PDE10A: variants seen among roughly 807,000 people sequenced by gnomAD.
PDE10A encodes phosphodiesterase 10A.
In PDE10A, 39 loss-of-function variants were observed where a neutral mutation model predicts 97.7. That is an observed-to-expected ratio of 0.40 (90% CI 0.31 to 0.52). The LOEUF is 0.52. Among genes scored for constraint, PDE10A ranks in the 20% least tolerant of loss-of-function variants. The probability of loss-of-function intolerance (pLI) is 0.56; values close to 1 mark genes in which losing one functional copy is unlikely to be tolerated. For synonymous variants in PDE10A, 371 were observed against 376.8 expected, an observed-to-expected ratio of 0.98 and a Z score of 0.18; for missense variants, 731 against 1,047.8, an observed-to-expected ratio of 0.70 and a Z score of 4.17.
chr6:165,464,579 T>A (rs1484115532), intron 3 of PDE10A, among the ~76,000 whole-genome samples: 1 of 152,196 alleles, frequency 6.6e-6, no homozygotes, highest in Non-Finnish European at 1.5e-5. Context: ...ATGGTACTAG[T>A]GCATAAATCC....
intron 13 of PDE10A, among the ~76,000 whole-genome samples, chr6:165,398,029 A>C (rs1320062589): frequency 6.6e-6 from 1 of 152,198 alleles, no homozygotes; most frequent in Non-Finnish European, 1.5e-5. Context: ...CTTACTAAAA[A>C]ATTACATATT....
chr6:165,879,099 T>C (rs1029467971), intron 1 of PDE10A, among the ~76,000 whole-genome samples: 1 of 152,224 alleles, frequency 6.6e-6, no homozygotes, highest in African/African-American at 2.4e-5. Flanking sequence ...GCAACTGACC[T>C]GGATATAATG....
At position 165,355,203 on chromosome 6, in the gene PDE10A, C is replaced by T. The variant is rs183722482; in HGVS notation, c.2784-11701G>A. Among the ~76,000 whole-genome samples, 241 of 152,204 alleles carry T rather than the reference C, an allele frequency of 1.6e-3. 1 individual carries two copies. The highest frequency in any genetic ancestry group is 5.4e-3 in the African/African-American group (225 of 41,518). On this transcript the variant is annotated intron_variant, in intron 18 of 21. Transcript: ENST00000539869. ...TTTTACAAAATGCAGATTTATAGAT[C>T]ATACTTTTTTTATACTTTAGGTTAT...
chr6:165,352,256 A>C (rs1782741032), intron 18 of PDE10A, among the ~76,000 whole-genome samples: 1 of 152,216 alleles, frequency 6.6e-6, no homozygotes, highest in Admixed American at 6.5e-5. Flanking sequence ...ATGGTACAGA[A>C]ATACATTGAT....
chr6:165,734,670 C>A (rs3002434), intron 1 of PDE10A, among the ~76,000 whole-genome samples: 1,927 of 152,080 alleles, frequency 0.013, 36 homozygotes, highest in African/African-American at 0.045. Flanking sequence ...TGAGGCGTCC[C>A]CAGAGTGTGG....
rs57365152 is a variant in PDE10A at position 165,889,947 on chromosome 6, C to A, written c.-615+97582G>T. 2.4e-4 allele frequency among the ~76,000 whole-genome samples: 15 copies of A among 61,384 alleles called. No individual in the cohort carries two copies. In the East Asian group the frequency reaches 3.7e-3, roughly 15 times the overall value. The allele number at this position is 61,384 out of a possible 152,430, so 40.3% of individuals were successfully genotyped here. Reference sequence around the variant, plus strand: ...CTCACTCCTCCCTCACTCCTCCCTCCCTCCTCCCTCCCTCACTCCTCACTC... The same window carrying A: ...CTCACTCCTCCCTCACTCCTCCCTCACTCCTCCCTCCCTCACTCCTCACTC... On this transcript the variant is annotated intron_variant, in intron 1 of 19. Coordinates refer to the PDE10A transcript ENST00000366882.
chr6:165,959,938 C>T (rs932936592), intron 1 of PDE10A, among the ~76,000 whole-genome samples: 12 of 152,290 alleles, frequency 7.9e-5, no homozygotes, highest in Non-Finnish European at 8.8e-5. Flanking sequence ...CTGCAGCTCT[C>T]CCTGCCCCAC....
intron 1 of PDE10A, among the ~76,000 whole-genome samples, chr6:165,853,389 C>T (rs1780626038): frequency 6.6e-6 from 1 of 152,216 alleles, no homozygotes; most frequent in Non-Finnish European, 1.5e-5. Flanking sequence ...AATAGATCAT[C>T]AAGAAAATCC....
At chr6:165,765,543 T>C (rs191063640) in intron 1 of PDE10A, among the ~76,000 whole-genome samples, 316 of 152,350 alleles carry the variant, frequency 2.1e-3, no homozygotes, top group Admixed American at 0.016. Context: ...AAGTCCCTCA[T>C]TGCCTGGGGC....
At position 165,691,106 on chromosome 6, in the gene PDE10A, T is replaced by TCTCCC. The variant is rs143783728; in HGVS notation, c.-614-147539_-614-147538insGGGAG. Among the ~76,000 whole-genome samples, 54 of 39,132 alleles carry TCTCCC rather than the reference T, an allele frequency of 1.4e-3. 7 individuals are homozygous for TCTCCC. Among genetic ancestry groups the TCTCCC allele is most frequent in the Non-Finnish European group, 2.0e-3 (45 of 22,048 alleles). 25.7% of individuals were successfully genotyped at this position (39,132 alleles called of 152,430 possible). On this transcript the variant is annotated intron_variant, in intron 1 of 19. Coordinates refer to the PDE10A transcript ENST00000366882. ...CTCTCTCTCTCTCTCTCTTTCTCTC[T>TCTCCC]CCCCCCCCCCATCAGTGCCTGTGGT... is the stretch of plus-strand genomic sequence containing the variant.
At chr6:165,792,541 G>A (rs1778687423) in intron 1 of PDE10A, among the ~76,000 whole-genome samples, 1 of 152,102 alleles carries the variant, frequency 6.6e-6, no homozygotes, top group African/African-American at 2.4e-5. Flanking sequence ...CACTCTGTTT[G>A]GCTGGCACCT....
Position 165,871,321 on chromosome 6 carries a change from T to C in PDE10A, c.-615+116208A>G, listed in dbSNP as rs142177239. ...ATAAAAACTTTATACAAATAAAAAATGTGTGCTTTACTTTTTTAACTAGAA... is the reference window on the plus strand; with the variant it reads ...ATAAAAACTTTATACAAATAAAAAACGTGTGCTTTACTTTTTTAACTAGAA... On this transcript the variant is annotated intron_variant, in intron 1 of 19. Coordinates refer to the PDE10A transcript ENST00000366882. 4.3e-3 allele frequency among the ~76,000 whole-genome samples: 660 copies of C among 152,298 alleles called. 5 individuals are homozygous for C. The highest frequency in any genetic ancestry group is 0.015 in the African/African-American group (634 of 41,556).
chr6:165,796,505 G>C (rs1237745045), intron 1 of PDE10A, among the ~76,000 whole-genome samples: 1 of 152,186 alleles, frequency 6.6e-6, no homozygotes, highest in Non-Finnish European at 1.5e-5. Flanking sequence ...AGAGACAGCT[G>C]TCCTGCCCAG....
At chr6:165,856,017 A>G (rs1780723246) in intron 1 of PDE10A, among the ~76,000 whole-genome samples, 2 of 152,172 alleles carry the variant, frequency 1.3e-5, no homozygotes, top group African/African-American at 4.8e-5. Flanking sequence ...TTCATGACTC[A>G]TCAGAGATTG....
intron 1 of PDE10A, among the ~76,000 whole-genome samples, chr6:165,706,948 G>A (rs911695398): frequency 4.6e-5 from 7 of 152,184 alleles, no homozygotes; most frequent in Non-Finnish European, 1.0e-4. Flanking sequence ...GAAACAATAA[G>A]TGATTTTGAA....
intron 1 of PDE10A, among the ~76,000 whole-genome samples, chr6:165,612,721 C>T (rs1787554756): frequency 1.3e-5 from 2 of 152,164 alleles, no homozygotes; most frequent in Non-Finnish European, 2.9e-5. Context: ...CTTCAAGAAA[C>T]AATACCAAAA....
rs559424770 is a variant in PDE10A, at chr6:165,603,529, G to A, written c.865+58418C>T. The stretch of plus-strand genomic sequence containing the variant: ...CTGAGTAACAGAGGGAAGTCTTCCC[G>A]AAAGCATTCGGTTCTTAAGATACAC... On this transcript the variant is annotated intron_variant, in intron 1 of 21. Transcript: ENST00000539869. 3.3e-5 allele frequency among the ~76,000 whole-genome samples: 5 copies of A among 152,306 alleles called. No homozygotes were observed. The East Asian group carries it at 5.8e-4, about 18-fold the overall frequency.
At chr6:165,934,152 C>CTTT (rs778137427) in intron 1 of PDE10A, among the ~76,000 whole-genome samples, 54 of 109,168 alleles carry the variant, frequency 4.9e-4, no homozygotes, top group African/African-American at 2.0e-3. Context: ...CCTGGCTGAT[C>CTTT]TTTTTTTTTT....
chr6:165,511,107 G>A (rs1781480315), intron 2 of PDE10A, among the ~76,000 whole-genome samples: 1 of 151,866 alleles, frequency 6.6e-6, no homozygotes, highest in Non-Finnish European at 1.5e-5. Flanking sequence ...GTTCCTTGCA[G>A]TGTATCATTA....
Sources: gnomAD v4.1 joint callset for allele counts (sites outside exome capture counted in the v4.1 genomes callset) on GRCh38, gnomAD v4.1.1 for gene constraint, MANE v1.5 for transcripts, NCBI Gene and HGNC (gene_info 2026-07-23, HGNC 2026-07-21) for gene names.